Variants in SMARCE1 observed in about 807,000 individuals in gnomAD.
The protein encoded by SMARCE1 is SWI/SNF related BAF chromatin remodeling complex subunit E1.
In SMARCE1, 13 loss-of-function variants were observed where a neutral mutation model predicts 54.9. The ratio of observed to expected loss-of-function variants is 0.24; its 90% confidence interval spans 0.15 to 0.38. The LOEUF is 0.38. Among genes scored for constraint, SMARCE1 ranks in the 10% least tolerant of loss-of-function variants. SMARCE1 has a pLI of 1.00. For synonymous variants in SMARCE1, 151 were observed against 175.3 expected (o/e 0.86, Z 1.10); for missense variants, 295 against 523.8 (o/e 0.56, Z 4.26).
chr17:40,628,760 T>G lies in SMARCE1; in HGVS notation c.*25A>C. 6.3e-7 allele frequency: 1 copy of G among 1,576,324 alleles called. No homozygotes were observed. Among genetic ancestry groups the G allele is most frequent in the Non-Finnish European group, 8.7e-7 (1 of 1,146,840 alleles). On this transcript the variant is annotated 3_prime_UTR_variant, in exon 11 of 11. Coordinates refer to ENST00000348513, the MANE Select transcript of SMARCE1 (RefSeq NM_003079.5). ...ACATTTTTTCATTAAAAAAAGTATTTAGAACACACAAAACAAGGCAACACT... is the reference window on the plus strand; with the variant it reads ...ACATTTTTTCATTAAAAAAAGTATTGAGAACACACAAAACAAGGCAACACT...
intron 7 of SMARCE1, chr17:40,633,924 T>G (rs1040749277): frequency 6.6e-6 from 1 of 152,280 alleles, no homozygotes; most frequent in Admixed American, 6.5e-5. Flanking sequence ...TTCATTTATA[T>G]GGCCCCAGTG....
At chr17:40,637,614 G>T in intron 4 of SMARCE1, 42 bp from the exon 5 acceptor site, 1 of 1,477,426 alleles carries the variant, frequency 6.8e-7, no homozygotes, top group Non-Finnish European at 9.5e-7. Context: ...ACTGTAAGGA[G>T]TTCACTGGCA....
Position 40,630,798 on chromosome 17 carries a change from G to C in SMARCE1, c.943C>G (p.Gln315Glu), listed in dbSNP as rs1597742452. 1.2e-6 allele frequency: 2 copies of C among 1,613,890 alleles called. No individual in the cohort carries two copies. The part of the protein sequence containing the change: ...KEAAEQAERS[Q>E]SSIVPEEEQA... ...TCTTCCTCAGGAACGATGCTGCTCT[G>C]ACTGCGCTCAGCTTGCTCTGCGGCC... Residue 315 changes from glutamine to glutamate, a missense_variant, in exon 10 of 11, where the codon CAG (glutamine) becomes GAG (glutamate). By Grantham distance (29) the Gln-to-Glu change is conservative (BLOSUM62 2). Transcript: ENST00000348513.
chr17:40,627,642 G>A lies in SMARCE1; in HGVS notation c.*1143C>T, dbSNP rs779022013. On this transcript the variant is annotated 3_prime_UTR_variant, in exon 11 of 11. Transcript: ENST00000348513. ...TGAGTGGTCATTCCACACTGTCACT[G>A]CATTACAGAAAAAAACTGGATGCTT... is the stretch of plus-strand genomic sequence containing the variant. 5 of 152,552 alleles carry A rather than the reference G, an allele frequency of 3.3e-5. No homozygotes were observed. Among genetic ancestry groups the A allele is most frequent in the Non-Finnish European group, 5.9e-5 (4 of 68,016 alleles). The allele number at this position is 152,552 out of a possible 1,614,324, so 9.4% of individuals were successfully genotyped here.
intron 9 of SMARCE1, 117 bp from the exon 10 acceptor site, chr17:40,631,041 T>G: frequency 1.4e-6 from 1 of 739,468 alleles, no homozygotes; most frequent in East Asian, 2.7e-5. Flanking sequence ...TCTATACACC[T>G]GTATGTGTGT....
At position 40,637,518 on chromosome 17, in the gene SMARCE1, T is replaced by C. The variant is rs2037158446; in HGVS notation, c.211A>G (p.Met71Val). 6.2e-7 allele frequency: 1 copy of C among 1,613,516 alleles called. No individual in the cohort carries two copies. The highest frequency in any genetic ancestry group is 8.5e-7 in the Non-Finnish European group (1 of 1,179,522). ...TTTCTGCTGTACCTCATGTAGGGCA[T>C]CAGCGGCTTATCTGGTGGCTTTGGG... ...KPPKPPDKPL[M>V]PYMRYSRKVW... The change falls in exon 5 of 11, where the codon ATG becomes GTG. Residue 71 changes from methionine to valine, a missense_variant. Around this residue, in one of 5 missense-constraint regions of SMARCE1, gnomAD observed 30 missense variants for 91.3 expected, o/e 0.33. Transcript: ENST00000348513.
At chr17:40,636,372 C>G in intron 6 of SMARCE1, 23 bp downstream of exon 6, 1 of 1,604,896 alleles carries the variant, frequency 6.2e-7, no homozygotes, top group African/African-American at 1.3e-5. Context: ...CATTATCTAT[C>G]CCACTGTGAG....
chr17:40,637,763 T>C, intron 4 of SMARCE1, 191 bp from the exon 5 acceptor site: 1 of 574,804 alleles, frequency 1.7e-6, no homozygotes, highest in South Asian at 2.1e-5. Flanking sequence ...AATTTTTAAA[T>C]GTTTTACTTA....
chr17:40,630,844 C>T lies in SMARCE1; in HGVS notation c.897G>A (p.Arg299=), dbSNP rs754006294. ...IAQAEEQARK[R]QEEREKEAAE... is the part of the protein sequence containing the mutation. ...CGGCCTCCTTCTCCCTTTCCTCCTG[C>T]CTTTTGCGGGCCTGTTCCTCTGCCT... The change falls in exon 10 of 11, where the codon AGG becomes AGA. Residue 299 remains arginine (R), a synonymous_variant. Transcript: ENST00000348513. The T allele has an allele frequency of 1.9e-6, 3 of 1,614,070 alleles. No individual in the cohort carries two copies. The highest frequency in any genetic ancestry group is 1.7e-5 in the Admixed American group (1 of 60,018).
intron 3 of SMARCE1, chr17:40,643,491 G>A (rs1363401066): frequency 6.6e-6 from 1 of 152,156 alleles, no homozygotes; most frequent in African/African-American, 2.4e-5. Flanking sequence ...TTATATAGCA[G>A]TAGCCTTGGG....
chr17:40,641,621 T>C (rs978091134), intron 4 of SMARCE1: 6 of 152,240 alleles, frequency 3.9e-5, no homozygotes, highest in Non-Finnish European at 8.8e-5. Context: ...CAACACTACA[T>C]TCCAATGTAG....
chr17:40,645,901 C>A lies in SMARCE1; in HGVS notation c.-45-54G>T, dbSNP rs557937038. 1.8e-5 allele frequency: 10 copies of A among 554,498 alleles called. No homozygotes were observed. In the South Asian group the frequency reaches 5.2e-4, roughly 29 times the overall value. 34.3% of individuals were successfully genotyped at this position (554,498 alleles called of 1,614,324 possible). On this transcript the variant is annotated intron_variant, in intron 1 of 10. Transcript: ENST00000348513. ...AGAGAATCAAAACTCAGCAAGCATACGAGAATGTTTTCCTAATGAATAGGG... is the reference window on the plus strand; with the variant it reads ...AGAGAATCAAAACTCAGCAAGCATAAGAGAATGTTTTCCTAATGAATAGGG...
At chr17:40,635,359 C>T (rs2037136273) in intron 7 of SMARCE1, 1 of 151,916 alleles carries the variant, frequency 6.6e-6, no homozygotes, top group South Asian at 2.1e-4. Flanking sequence ...CCAGAACAAT[C>T]AGAACACCTG....
chr17:40,644,806 T>C (rs1397945647), intron 3 of SMARCE1: 1 of 152,148 alleles, frequency 6.6e-6, no homozygotes, highest in African/African-American at 2.4e-5. Flanking sequence ...ATTAAAGAAC[T>C]AATTTTGTAG....
chr17:40,637,171 A>C (rs2037154772), intron 5 of SMARCE1: 1 of 266,286 alleles, frequency 3.8e-6, no homozygotes, highest in African/African-American at 2.3e-5. Context: ...TAAAAATGAG[A>C]TATTAATTCA....
rs1192052050 is a variant in SMARCE1 at position 40,628,330 on chromosome 17, C to T, written c.*455G>A. On this transcript the variant is annotated 3_prime_UTR_variant, in exon 11 of 11. Transcript: ENST00000348513. ...AAAAGGGTAAGTGAACAAATACATA[C>T]TCATACATGATCACGTTTTTAAGAA... is the stretch of plus-strand genomic sequence containing the variant. 1.2e-5 allele frequency: 2 copies of T among 161,988 alleles called. No homozygotes were observed. The highest frequency in any genetic ancestry group is 4.8e-5 in the African/African-American group (2 of 41,504). The allele number at this position is 161,988 out of a possible 1,614,324, so 10.0% of individuals were successfully genotyped here. A position where few individuals can be genotyped will look rare whatever the true frequency, so the allele number is the denominator to read the frequency against.
intron 2 of SMARCE1, 46 bp downstream of exon 2, chr17:40,645,750 A>G: frequency 9.2e-7 from 1 of 1,090,282 alleles, no homozygotes; most frequent in Non-Finnish European, 1.3e-6. Flanking sequence ...CTAGGGCATT[A>G]GTCTCTTATT....
At position 40,628,664 on chromosome 17, in the gene SMARCE1, C is replaced by A; in HGVS notation, c.*121G>T. The A allele has an allele frequency of 1.4e-6, 1 of 717,936 alleles. No individual in the cohort carries two copies. Among genetic ancestry groups the A allele is most frequent in the Non-Finnish European group, 2.4e-6 (1 of 423,372 alleles). The allele number at this position is 717,936 out of a possible 1,614,324, so 44.5% of individuals were successfully genotyped here. On this transcript the variant is annotated 3_prime_UTR_variant, in exon 11 of 11. Coordinates refer to ENST00000348513, the MANE Select transcript of SMARCE1 (RefSeq NM_003079.5). ...CTCATGATGCTAAATGGTCCAAAAG[C>A]CTTTGGTGGTGTGATATGGACAAGA... is the stretch of plus-strand genomic sequence containing the variant.
chr17:40,631,442 T>TA, intron 9 of SMARCE1, 150 bp downstream of exon 9: 1 of 566,728 alleles, frequency 1.8e-6, no homozygotes, highest in Non-Finnish European at 3.1e-6. Flanking sequence ...AACAATCTTA[T>TA]AAAAAAAGGA....
Sources: gnomAD v4.1 joint callset for allele counts on GRCh38, gnomAD v4.1.1 for gene constraint, gnomAD v4.1.1 regional missense constraint, MANE v1.5 for transcripts, NCBI Gene and HGNC (gene_info 2026-07-23, HGNC 2026-07-21) for gene names.